Variants in CNTLN observed in about 807,000 individuals in gnomAD.
CNTLN encodes the protein centlein, also known as centlein, centrosomal protein.
CNTLN carries 212 observed loss-of-function variants against 180.0 expected under a neutral mutation model. The observed-to-expected ratio is 1.18, with a 90% confidence interval of 1.05 to 1.32. CNTLN has a LOEUF of 1.32. Ranked by LOEUF, CNTLN falls within the 40% of genes most tolerant of loss-of-function variation. The pLI is 0.00. For synonymous variants in CNTLN, 722 were observed against 563.1 expected, an observed-to-expected ratio of 1.28 and a Z score of -3.99; for missense variants, 2,095 against 1,610.9, an observed-to-expected ratio of 1.30 and a Z score of -5.14.
At chr9:17,366,516 T>C (rs1181370994) in intron 12 of CNTLN, 101 bp from the exon 13 acceptor site, 1 of 516,036 alleles carries the variant, frequency 1.9e-6, no homozygotes, top group Non-Finnish European at 3.4e-6. Flanking sequence ...ATATCTTTAC[T>C]GACTTTGATA....
At chr9:17,341,046 A>G in intron 11 of CNTLN, 98 bp downstream of exon 11, 2 of 1,109,256 alleles carry the variant, frequency 1.8e-6, no homozygotes, top group Non-Finnish European at 2.4e-6. Flanking sequence ...GTTTTAAAGA[A>G]ATTATTTGGT....
intron 25 of CNTLN, among the ~76,000 whole-genome samples, chr9:17,487,703 C>T (rs780950348): frequency 2.1e-4 from 32 of 152,178 alleles, no homozygotes; most frequent in African/African-American, 7.2e-4. Context: ...AAGGCCAAGA[C>T]GAGTTGAAAT....
chr9:17,365,989 A>G (rs536884736), intron 12 of CNTLN, among the ~76,000 whole-genome samples: 2 of 152,226 alleles, frequency 1.3e-5, no homozygotes, highest in African/African-American at 4.8e-5. Flanking sequence ...CATAATTTTT[A>G]AAATTATATA....
chr9:17,509,071 C>T, the CNTLN span, among the ~76,000 whole-genome samples: 1 of 152,226 alleles, frequency 6.6e-6, no homozygotes, highest in African/African-American at 2.4e-5. Flanking sequence ...CTTTCTCCAA[C>T]CACCCCTGTC....
At chr9:17,445,364 G>A (rs1830344187) in intron 18 of CNTLN, among the ~76,000 whole-genome samples, 1 of 151,854 alleles carries the variant, frequency 6.6e-6, no homozygotes, top group South Asian at 2.1e-4. Context: ...TTGACCCTGT[G>A]GGGAAAAGCA....
chr9:17,261,627 C>T (rs1296134660), intron 5 of CNTLN, among the ~76,000 whole-genome samples: 4 of 151,300 alleles, frequency 2.6e-5, no homozygotes, highest in Non-Finnish European at 5.9e-5. Context: ...CAAGGGGTAA[C>T]GTGACTTCTT....
At chr9:17,361,274 A>G (rs1823368849) in intron 12 of CNTLN, among the ~76,000 whole-genome samples, 1 of 151,674 alleles carries the variant, frequency 6.6e-6, no homozygotes, top group South Asian at 2.1e-4. Flanking sequence ...ATGTGTTCTC[A>G]TTGTTCATTT....
intron 2 of CNTLN, among the ~76,000 whole-genome samples, chr9:17,216,806 T>C (rs917130113): frequency 6.6e-6 from 1 of 152,178 alleles, no homozygotes; most frequent in Non-Finnish European, 1.5e-5. Flanking sequence ...TAAGCCAACA[T>C]AGGCTGCAAA....
chr9:17,347,673 C>A (rs1224203432), intron 12 of CNTLN, among the ~76,000 whole-genome samples: 924 of 129,650 alleles, frequency 7.1e-3, no homozygotes, highest in Middle Eastern at 0.02. Flanking sequence ...ACTCTTGTCT[C>A]AAAAAAAAAA....
intron 8 of CNTLN, among the ~76,000 whole-genome samples, chr9:17,320,963 T>A (rs576503274): frequency 1.3e-4 from 20 of 152,358 alleles, no homozygotes; most frequent in Admixed American, 1.1e-3. Context: ...TCTCACAGTA[T>A]GTGAGATTGC....
intron 2 of CNTLN, among the ~76,000 whole-genome samples, chr9:17,199,203 CTTTTTTT>C (rs763632027): frequency 1.2e-4 from 9 of 73,798 alleles, no homozygotes; most frequent in East Asian, 3.9e-4. Flanking sequence ...TGTTTCTTGA[CTTTTTTT>C]TTTTTTTTTT....
At chr9:17,410,558 C>CA (rs1438981679) in intron 16 of CNTLN, among the ~76,000 whole-genome samples, 4 of 152,030 alleles carry the variant, frequency 2.6e-5, no homozygotes, top group Admixed American at 2.6e-4. Flanking sequence ...CCAAACTTAC[C>CA]AATTTTTTGT....
chr9:17,351,298 C>A (rs1444307273), intron 12 of CNTLN, among the ~76,000 whole-genome samples: 1 of 152,162 alleles, frequency 6.6e-6, no homozygotes. Flanking sequence ...ATCTATCATC[C>A]CATGATTTTA....
intron 12 of CNTLN, among the ~76,000 whole-genome samples, chr9:17,361,910 C>T (rs1232127260): frequency 2.6e-5 from 4 of 152,166 alleles, no homozygotes; most frequent in Admixed American, 2.6e-4. Context: ...ATAAGAAACA[C>T]CAGTGTAAGT....
chr9:17,250,770 G>C (rs555238456), intron 5 of CNTLN, among the ~76,000 whole-genome samples: 2 of 151,914 alleles, frequency 1.3e-5, no homozygotes, highest in Non-Finnish European at 2.9e-5. Context: ...AATCATATAG[G>C]AAATAATAAG....
At chr9:17,170,717 A>G (rs1470272353) in intron 2 of CNTLN, among the ~76,000 whole-genome samples, 1 of 151,638 alleles carries the variant, frequency 6.6e-6, no homozygotes, top group Non-Finnish European at 1.5e-5. Flanking sequence ...TATATCATTT[A>G]ATCATCCATC....
intron 18 of CNTLN, among the ~76,000 whole-genome samples, chr9:17,419,493 T>A (rs1177745067): frequency 1.3e-5 from 2 of 152,164 alleles, no homozygotes; most frequent in Admixed American, 6.5e-5. Flanking sequence ...GTTATACACA[T>A]GCAATGTTTA....
At chr9:17,524,746 C>A in the CNTLN span, among the ~76,000 whole-genome samples, 1 of 152,164 alleles carries the variant, frequency 6.6e-6, no homozygotes, top group Non-Finnish European at 1.5e-5. Context: ...TTCAGTAGCT[C>A]TATCAAAACA....
intron 6 of CNTLN, among the ~76,000 whole-genome samples, chr9:17,276,410 A>G (rs757948117): frequency 1.3e-5 from 2 of 152,106 alleles, no homozygotes; most frequent in Non-Finnish European, 2.9e-5. Flanking sequence ...TGAAGCCATA[A>G]TTGTGGAAAA....
Sources: allele counts gnomAD v4.1 joint callset (sites outside exome capture counted in the v4.1 genomes callset), GRCh38; gene constraint gnomAD v4.1.1; transcripts MANE v1.5; gene names NCBI Gene and HGNC (gene_info 2026-07-23, HGNC 2026-07-21).